The following TTN variants were observed in gnomAD, a reference collection of about 807,000 sequenced individuals.
TTN encodes titin.
A neutral mutation model predicts 3,223.0 loss-of-function variants in TTN; 1,525 were observed. That is an observed-to-expected ratio of 0.47 (90% CI 0.45 to 0.49). TTN has a LOEUF of 0.49. TTN is among the 20% of genes least tolerant of loss of function. The pLI, the probability that TTN is intolerant of heterozygous loss-of-function variation, is 0.00. For synonymous variants in TTN, 14,094 were observed against 15,161.0 expected, an observed-to-expected ratio of 0.93 and a Z score of 5.17; for missense variants, 40,786 against 43,424.0, an observed-to-expected ratio of 0.94 and a Z score of 5.40.
chr2:178,727,953 G>A, intron 67 of TTN, 90 bp from the exon 68 acceptor site: 1 of 1,440,202 alleles, frequency 6.9e-7, no homozygotes, highest in East Asian at 2.4e-5. Context: ...AACACTCTTG[G>A]AAAGAGGCAA....
rs2562829 is a variant in TTN, at chr2:178,739,639, T to G, written c.13594A>C (p.Thr4532Pro). The change falls in exon 48 of 363, where the codon ACT becomes CCT. Residue 4532 changes from threonine (T) to proline (P), a missense_variant. Transcript: ENST00000589042. ...PEVESKYLIS[T>P]EEVSYFNVQS... ...ACGTTAAAATAACTGACCTCTTCAG[T>G]TGAGATCAGATATTTAGATTCAACT... The G allele has an allele frequency of 0.053, 85,089 of 1,613,796 alleles. 3,842 individuals carry two copies. Among genetic ancestry groups the G allele is most frequent in the Admixed American group, 0.21 (12,342 of 59,996 alleles).
chr2:178,577,666 A>G lies in TTN; in HGVS notation c.68760T>C (p.Asn22920=). ...GKYEFRIRAK[N]TAGAISAPSE... ...ATGGAGCACTGATAGCACCTGCTGT[A>G]TTCTTTGCTCTAATTCTGAATTCAT... Residue 22920 remains asparagine (N), a synonymous_variant, in exon 323 of 363, where the codon AAT becomes AAC. Coordinates refer to ENST00000589042, the MANE Select transcript of TTN (RefSeq NM_001267550.2). The G allele has an allele frequency of 3.7e-6, 6 of 1,613,276 alleles. No individual in the cohort carries two copies. Among genetic ancestry groups the G allele is most frequent in the South Asian group, 1.1e-5 (1 of 91,040 alleles).
rs750401975 is a variant in TTN, at chr2:178,775,385, G to A, written c.6479C>T (p.Thr2160Ile). 3 of 1,614,042 alleles carry A rather than the reference G, an allele frequency of 1.9e-6. No individual in the cohort carries two copies. Among genetic ancestry groups the A allele is most frequent in the African/African-American group, 1.3e-5 (1 of 75,030 alleles). ...MVKAINIAGETSSHAFLLVQA... is the reference protein window; with the variant it reads ...MVKAINIAGEISSHAFLLVQA... ...GACAAGTAAGAATGCGTGACTGGAG[G>A]TTTCTCCAGCTATGTTGATGGCTTT... Residue 2160 changes from threonine (T) to isoleucine (I), a missense_variant, in exon 28 of 363, where the codon ACC becomes ATC. Coordinates refer to ENST00000589042, the MANE Select transcript of TTN (RefSeq NM_001267550.2).
Position 178,545,975 on chromosome 2 carries a change from T to G in TTN, c.95261A>C (p.Asn31754Thr). The G allele has an allele frequency of 6.2e-7, 1 of 1,613,854 alleles. No individual in the cohort carries two copies. The highest frequency in any genetic ancestry group is 8.5e-7 in the Non-Finnish European group (1 of 1,179,802). Residue 31754 changes from asparagine to threonine, a missense_variant, in exon 343 of 363, where the codon AAC becomes ACC. Transcript: ENST00000589042. ...GCATTCGCCTTCAACAATCACCCAG[T>G]TGAGCCTGCTAGTCTCGCGTCTTTC... is the stretch of plus-strand genomic sequence containing the variant. ...IVERRETSRLNWVIVEGECPT... is the reference protein window; with the variant it reads ...IVERRETSRLTWVIVEGECPT...
intron 97 of TTN, 33 bp downstream of exon 97, chr2:178,711,029 A>G: frequency 6.5e-7 from 1 of 1,549,298 alleles, no homozygotes; most frequent in Non-Finnish European, 8.7e-7. Context: ...TAATACTTTA[A>G]TTCTAGAAAT....
At chr2:178,612,653 T>C in intron 265 of TTN, 77 bp from the exon 266 acceptor site, 1 of 1,543,680 alleles carries the variant, frequency 6.5e-7, no homozygotes, top group South Asian at 1.2e-5. Context: ...CAGGCAGTCA[T>C]TAAGAAGTAA....
At chr2:178,772,915 G>A (rs888745864) in intron 33 of TTN, 194 bp downstream of exon 33, 26 of 659,842 alleles carry the variant, frequency 3.9e-5, no homozygotes, top group African/African-American at 9.1e-5. Context: ...AGAAGGTGAC[G>A]TTTGAGGTAG....
rs1371302317 is a variant in TTN at position 178,565,735 on chromosome 2, A to G, written c.80397T>C (p.Leu26799=). ...LTDVSQTSAS[L]MWEKPEHDGG... Reference sequence around the variant, plus strand: ...CATCATGTTCAGGTTTCTCCCACATAAGTGATGCACTGGTCTGGGACACAT... The same window carrying G: ...CATCATGTTCAGGTTTCTCCCACATGAGTGATGCACTGGTCTGGGACACAT... Residue 26799 remains leucine, a synonymous_variant, in exon 326 of 363, where the codon CTT becomes CTC. Transcript: ENST00000589042. The G allele has an allele frequency of 6.2e-7, 1 of 1,613,534 alleles. No individual in the cohort carries two copies. Among genetic ancestry groups the G allele is most frequent in the Admixed American group, 1.7e-5 (1 of 59,988 alleles).
chr2:178,581,527 T>A lies in TTN; in HGVS notation c.66741A>T (p.Pro22247=). Residue 22247 remains proline, a synonymous_variant, in exon 316 of 363, where the codon CCA becomes CCT. Transcript: ENST00000589042. ...KIGYSDPSDV[P]DKHYPKDILI... ...AGATGTCCTTGGGATAGTGTTTATC[T>A]GGCACATCACTGGGGTCACTGTATC... 1 of 1,606,054 alleles carries A rather than the reference T, an allele frequency of 6.2e-7. No individual in the cohort carries two copies.
intron 228 of TTN, 72 bp downstream of exon 228, chr2:178,635,093 T>C: frequency 1.3e-6 from 2 of 1,577,374 alleles, no homozygotes; most frequent in Non-Finnish European, 1.7e-6. Context: ...AACCCGAATC[T>C]AGGATATAGA....
At position 178,547,181 on chromosome 2, in the gene TTN, T is replaced by C. The variant is rs1475927387; in HGVS notation, c.94344A>G (p.Lys31448=). ...TCACCCAAAGAATTGTATTACGTTC[T>C]TTCTTCTCAACCCAGTAGCCAATGA... ...SKIIGYWVEK[K]ERNTILWVKE... Residue 31448 remains lysine (K), a synonymous_variant, in exon 340 of 363, where the codon AAA becomes AAG. Coordinates refer to ENST00000589042, the MANE Select transcript of TTN (RefSeq NM_001267550.2). 3 of 1,613,754 alleles carry C rather than the reference T, an allele frequency of 1.9e-6. No homozygotes were observed. Among genetic ancestry groups the C allele is most frequent in the Admixed American group, 1.7e-5 (1 of 59,992 alleles).
rs757470480 is a variant in TTN at position 178,567,120 on chromosome 2, C to A, written c.79012G>T (p.Ala26338Ser). 61 of 1,613,424 alleles carry A rather than the reference C, an allele frequency of 3.8e-5. No homozygotes were observed. Among genetic ancestry groups the A allele is most frequent in the Non-Finnish European group, 5.0e-5 (59 of 1,179,626 alleles). ...ETSRLAWTVVASEVVTNSLKV... is the reference protein window; with the variant it reads ...ETSRLAWTVVSSEVVTNSLKV... Reference sequence around the variant, plus strand: ...AGAGAATTGGTCACAACTTCTGAAGCAACAACAGTCCAGGCAAGTCGACTG... The same window carrying A: ...AGAGAATTGGTCACAACTTCTGAAGAAACAACAGTCCAGGCAAGTCGACTG... Residue 26338 changes from alanine (A) to serine (S), a missense_variant, in exon 326 of 363, where the codon GCT becomes TCT. Ala to Ser is a moderately conservative substitution (Grantham distance 99, BLOSUM62 1). Coordinates refer to ENST00000589042, the MANE Select transcript of TTN (RefSeq NM_001267550.2).
chr2:178,749,266 A>C (rs760667687), intron 47 of TTN: 5 of 1,611,686 alleles, frequency 3.1e-6, no homozygotes, highest in Non-Finnish European at 4.2e-6. Flanking sequence ...ATGGATAAAC[A>C]GTACCCTCTG....
chr2:178,586,287 A>T (rs1213873202), intron 308 of TTN, among the ~76,000 whole-genome samples: 1 of 152,112 alleles, frequency 6.6e-6, no homozygotes, highest in Non-Finnish European at 1.5e-5. Context: ...ATGATAATAA[A>T]TGGGTATTGT....
chr2:178,583,138 C>T lies in TTN; in HGVS notation c.65665G>A (p.Gly21889Ser). 1 of 1,612,066 alleles carries T rather than the reference C, an allele frequency of 6.2e-7. No homozygotes were observed. Among genetic ancestry groups the T allele is most frequent in the Non-Finnish European group, 8.5e-7 (1 of 1,178,974 alleles). The change falls in exon 313 of 363, where the codon GGT (glycine) becomes AGT (serine). Residue 21889 changes from glycine (G) to serine (S), a missense_variant. Transcript: ENST00000589042. Reference sequence around the variant, plus strand: ...CAAGAAACTGTTGGCATCGGTTTACCAAAAACAGTAGCATCCAAGCAGACA... The same window carrying T: ...CAAGAAACTGTTGGCATCGGTTTACTAAAAACAGTAGCATCCAAGCAGACA... ...TNVCLDATVF[G>S]KPMPTVSWKK...
Position 178,563,939 on chromosome 2 carries a change from C to T in TTN, c.82193G>A (p.Gly27398Asp), listed in dbSNP as rs1553574305. 1.2e-6 allele frequency: 2 copies of T among 1,613,712 alleles called. No individual in the cohort carries two copies. The highest frequency in any genetic ancestry group is 1.3e-5 in the African/African-American group (1 of 75,026). The change falls in exon 326 of 363, where the codon GGT becomes GAT. Residue 27398 changes from glycine to aspartate, a missense_variant. Physicochemically the swap from Gly to Asp is moderately conservative, Grantham distance 94 (BLOSUM62 -1). Transcript: ENST00000589042. This position sits in a 1 kb window ranked among gnomAD's most constrained non-coding sequence, Gnocchi z 4.5. ...YLAWNPPLQDGGANISHYIIE... is the reference protein window; with the variant it reads ...YLAWNPPLQDDGANISHYIIE... ...GATGTAATGTGAAATATTAGCACCA[C>T]CATCTTGCAAAGGTGGGTTCCATGC...
rs2080389838 is a variant in TTN at position 178,731,047 on chromosome 2, A to G, written c.17618T>C (p.Val5873Ala). The G allele has an allele frequency of 6.2e-7, 1 of 1,613,654 alleles. No homozygotes were observed. The highest frequency in any genetic ancestry group is 1.3e-5 in the African/African-American group (1 of 74,986). ...LTLGSKYKIS[V>A]TDTVSILKII... The stretch of plus-strand genomic sequence containing the variant: ...CTTCAGTATTGAGACTGTATCAGTG[A>G]CACTGATTTTATATTTTGAGCCCAG... Residue 5873 changes from valine (V) to alanine (A), a missense_variant, in exon 60 of 363, where the codon GTC becomes GCC. By Grantham distance (64) the Val-to-Ala change is moderately conservative. Coordinates refer to ENST00000589042, the MANE Select transcript of TTN (RefSeq NM_001267550.2).
Position 178,684,754 on chromosome 2 carries a change from A to C in TTN, c.32555-5T>G. 1 of 1,613,390 alleles carries C rather than the reference A, an allele frequency of 6.2e-7. No homozygotes were observed. Among genetic ancestry groups the C allele is most frequent in the Non-Finnish European group, 8.5e-7 (1 of 1,179,568 alleles). On this transcript the variant is annotated splice_region_variant and splice_polypyrimidine_tract_variant and intron_variant, in intron 130 of 362. Coordinates refer to ENST00000589042, the MANE Select transcript of TTN (RefSeq NM_001267550.2). The stretch of plus-strand genomic sequence containing the variant: ...GTTTCTTTGGCTCTTCTGGCACTTA[A>C]AAGATACCAGGCAATACCATCAAAC...
rs886042114 is a variant in TTN, at chr2:178,546,002, A to C, written c.95234T>G (p.Val31745Gly). Reference sequence around the variant, plus strand: ...GAGCCTGCTAGTCTCGCGTCTTTCCACGATGTAGTGAGTGATTTCTGCTCC... The same window carrying C: ...GAGCCTGCTAGTCTCGCGTCTTTCCCCGATGTAGTGAGTGATTTCTGCTCC... Reference protein sequence around the residue: ...DGGAEITHYIVERRETSRLNW... With the variant: ...DGGAEITHYIGERRETSRLNW... Residue 31745 changes from valine to glycine, a missense_variant, in exon 343 of 363, where the codon GTG (valine) becomes GGG (glycine). Transcript: ENST00000589042. 6.2e-7 allele frequency: 1 copy of C among 1,613,698 alleles called. No individual in the cohort carries two copies. Among genetic ancestry groups the C allele is most frequent in the Non-Finnish European group, 8.5e-7 (1 of 1,179,790 alleles).
Sources: gnomAD v4.1 joint callset for allele counts (sites outside exome capture counted in the v4.1 genomes callset) on GRCh38, gnomAD v4.1.1 for gene constraint, Gnocchi (gnomAD v3.1) non-coding constraint, MANE v1.5 for transcripts, NCBI Gene and HGNC (gene_info 2026-07-23, HGNC 2026-07-21) for gene names.